Variants in POLR2J2 observed in about 807,000 individuals in gnomAD.
POLR2J2 encodes the protein DNA-directed RNA polymerase II subunit RPB11-b1.
POLR2J2 carries 3 observed loss-of-function variants against 2.8 expected under a neutral mutation model. The ratio of observed to expected loss-of-function variants is 1.05; its 90% confidence interval spans 0.48 to 2.72. POLR2J2 has a LOEUF of 2.72. POLR2J2 is among the 30% of genes most tolerant of loss of function. POLR2J2 has a pLI of 0.04. For missense variants in POLR2J2, 9 were observed against 27.8 expected (o/e 0.32, Z 1.52); for synonymous variants, 4 against 10.9 (o/e 0.37, Z 1.25).
chr7:102,671,519 G>C (rs751069843), intron 1 of POLR2J2, 33 bp downstream of exon 1: 60 of 1,014,914 alleles, frequency 5.9e-5, no homozygotes, highest in Non-Finnish European at 8.1e-5. Flanking sequence ...GCAGGCCCGC[G>C]CACCTAGGCC....
chr7:102,671,604 T>A (rs1792087008), exon 1 of POLR2J2: 1 of 1,010,120 alleles, frequency 9.9e-7, no homozygotes, highest in Admixed American at 2.6e-5. Flanking sequence ...GCGTTCATGC[T>A]CCCGCCGCCG....
intron 1 of POLR2J2, 36 bp downstream of exon 1, chr7:102,671,516 C>G: frequency 9.9e-7 from 1 of 1,011,442 alleles, no homozygotes; most frequent in African/African-American, 1.7e-5. Flanking sequence ...GCCGCAGGCC[C>G]GCGCACCTAG....
chr7:102,669,049 C>A (rs1792067972), intron 1 of POLR2J2, 45 bp from the exon 2 acceptor site: 1 of 253,106 alleles, frequency 4.0e-6, no homozygotes, highest in Non-Finnish European at 7.5e-6. Flanking sequence ...GGGCTCCCCT[C>A]CTCCCACCCT....
chr7:102,667,797 GA>G (rs112146944), intron 2 of POLR2J2, among the ~76,000 whole-genome samples: 1,489 of 148,994 alleles, frequency 1.0e-2, no homozygotes, highest in African/African-American at 0.037. Context: ...GAGCGGCTCA[GA>G]GTGGCGTGAG....
chr7:102,671,605 C>A (rs1182952097), exon 1 of POLR2J2: 1 of 1,012,130 alleles, frequency 9.9e-7, no homozygotes, highest in Admixed American at 2.6e-5. Flanking sequence ...CGTTCATGCT[C>A]CCGCCGCCGT....
chr7:102,667,689 C>T (rs1248072645), intron 2 of POLR2J2, among the ~76,000 whole-genome samples: 17 of 152,022 alleles, frequency 1.1e-4, no homozygotes, highest in African/African-American at 3.6e-4. Context: ...CTCTGCCCTC[C>T]GAGCAGCACA....
chr7:102,667,709 G>A (rs1792045188), intron 2 of POLR2J2, among the ~76,000 whole-genome samples: 1 of 152,280 alleles, frequency 6.6e-6, no homozygotes, highest in Admixed American at 6.5e-5. Context: ...AGCCGCCAGC[G>A]GCTGGCCACG....
upstream of POLR2J2, chr7:102,671,648 C>T (rs1792088135): frequency 1.1e-6 from 1 of 877,916 alleles, no homozygotes; most frequent in South Asian, 1.5e-5. Flanking sequence ...GCCACCGCCG[C>T]CACCAGAGCC....
At position 102,666,757 on chromosome 7, in the gene POLR2J2, G is replaced by GAGGCCTGGA. The variant is rs1303507758; in HGVS notation, c.*162_*170dup. 3.7e-4 allele frequency: 3 copies of GAGGCCTGGA among 8,130 alleles called. No individual in the cohort carries two copies. In the East Asian group the frequency reaches 9.9e-3, roughly 27 times the overall value. The allele number at this position is 8,130 out of a possible 1,614,324, so 0.5% of individuals were successfully genotyped here. A position where few individuals can be genotyped will look rare whatever the true frequency, so the allele number is the denominator to read the frequency against. On this transcript the variant is annotated 3_prime_UTR_variant, in exon 3 of 3. Transcript: ENST00000358438. ...CCACCCTGGGGTGAGCTGCCTCCCA[G>GAGGCCTGGA]AGGCCTGGAAGGACCAGGCCTTGCC...
intron 2 of POLR2J2, among the ~76,000 whole-genome samples, chr7:102,667,976 G>C (rs1287605133): frequency 6.6e-6 from 1 of 150,480 alleles, no homozygotes; most frequent in Non-Finnish European, 1.5e-5. Flanking sequence ...TCACAGACGG[G>C]GAAAAGCCTG....
In POLR2J2 at chr7:102,669,016, C is replaced by CA. The variant is rs1306322202; in HGVS notation, c.51-13dup. 2.5e-6 allele frequency: 1 copy of CA among 396,548 alleles called. No homozygotes were observed. Among genetic ancestry groups the CA allele is most frequent in the East Asian group, 5.8e-5 (1 of 17,324 alleles). The allele number at this position is 396,548 out of a possible 1,614,324, so 24.6% of individuals were successfully genotyped here. A position where few individuals can be genotyped will look rare whatever the true frequency, so the allele number is the denominator to read the frequency against. On this transcript the variant is annotated splice_polypyrimidine_tract_variant and intron_variant, in intron 1 of 2. Transcript: ENST00000358438. ...TGTTAATGGTGATCCTAGGAAGACACAGAGGCCACAGATGAGGAGCAGGGG... is the reference window on the plus strand; with the variant it reads ...TGTTAATGGTGATCCTAGGAAGACACAAGAGGCCACAGATGAGGAGCAGGGG...
rs1366197970 is a variant in POLR2J2, at chr7:102,671,467, G to C, written c.50+85C>G. 3 of 853,152 alleles carry C rather than the reference G, an allele frequency of 3.5e-6. No individual in the cohort carries two copies. In the African/African-American group the frequency reaches 5.6e-5, roughly 16 times the overall value. 52.8% of individuals were successfully genotyped at this position (853,152 alleles called of 1,614,324 possible). A position where few individuals can be genotyped will look rare whatever the true frequency, so the allele number is the denominator to read the frequency against. Reference sequence around the variant, plus strand: ...ATCAAGCAAAAGCTGTTTCCCTCCCGGGGCAAGAGATGGGCAGGAGACACC... The same window carrying C: ...ATCAAGCAAAAGCTGTTTCCCTCCCCGGGCAAGAGATGGGCAGGAGACACC... On this transcript the variant is annotated intron_variant, in intron 1 of 2. Transcript: ENST00000358438.
chr7:102,671,663 T>G, upstream of POLR2J2: 3 of 788,596 alleles, frequency 3.8e-6, no homozygotes, highest in Non-Finnish European at 5.7e-6. Context: ...AGAGCCCTAA[T>G]AAGAGGCCTC....
chr7:102,667,777 G>A (rs1176369739), intron 2 of POLR2J2, among the ~76,000 whole-genome samples: 1 of 152,298 alleles, frequency 6.6e-6, no homozygotes, highest in Non-Finnish European at 1.5e-5. Context: ...GCACGCAGGG[G>A]TCTCCTCTAG....
In POLR2J2 at chr7:102,671,520, C is replaced by T. The variant is rs778445899; in HGVS notation, c.50+32G>A. 9 of 1,016,364 alleles carry T rather than the reference C, an allele frequency of 8.9e-6. 3 individuals are homozygous for T. Among genetic ancestry groups the T allele is most frequent in the South Asian group, 2.9e-5 (2 of 68,868 alleles). The allele number at this position is 1,016,364 out of a possible 1,614,324, so 63.0% of individuals were successfully genotyped here. ...AGAATGCGACAGCCGCAGGCCCGCG[C>T]ACCTAGGCCCTCCGCAGCCGGCGTC... On this transcript the variant is annotated intron_variant, in intron 1 of 2. Transcript: ENST00000358438.
chr7:102,667,707 G>A (rs1177240276), intron 2 of POLR2J2, among the ~76,000 whole-genome samples: 29 of 152,304 alleles, frequency 1.9e-4, no homozygotes, highest in Admixed American at 3.3e-4. Context: ...ACAGCCGCCA[G>A]CGGCTGGCCA....
At chr7:102,668,136 TA>T (rs1424239128) in intron 2 of POLR2J2, among the ~76,000 whole-genome samples, 1 of 115,106 alleles carries the variant, frequency 8.7e-6, no homozygotes, top group African/African-American at 3.2e-5. Context: ...GGGTGCCCAT[TA>T]GGGGCACTGG....
chr7:102,671,615 T>C, exon 1 of POLR2J2: 1 of 1,000,628 alleles, frequency 1.0e-6, no homozygotes, highest in South Asian at 1.4e-5. Flanking sequence ...CCCGCCGCCG[T>C]TGCGTCCAGA....
chr7:102,666,298 ACCTCCCACCAGGTC>A, exon 3 of POLR2J2: 1 of 151,128 alleles, frequency 6.6e-6, no homozygotes, highest in Non-Finnish European at 1.3e-5. Context: ...TGAGCCAATC[ACCTCCCACCAGGTC>A]CCTCCCACAA....
Sources: gnomAD v4.1 joint callset for allele counts (sites outside exome capture counted in the v4.1 genomes callset) on GRCh38, gnomAD v4.1.1 for gene constraint, MANE v1.5 for transcripts, NCBI Gene and HGNC (gene_info 2026-07-23, HGNC 2026-07-21) for gene names.